The following LPAR3 variants were observed in gnomAD, a reference collection of about 807,000 sequenced individuals.
The protein encoded by LPAR3 is LPA receptor 3.
Under a neutral mutation model 17.8 loss-of-function variants are expected in LPAR3, and 7 were observed. That is an observed-to-expected ratio of 0.39 (90% confidence interval 0.22 to 0.74). LPAR3 has a LOEUF of 0.74. LPAR3 is among the 30% of genes least tolerant of loss of function. The pLI, the probability that LPAR3 is intolerant of heterozygous loss-of-function variation, is 0.40. For synonymous variants in LPAR3, 179 were observed against 179.9 expected (o/e 0.99, Z 0.04); for missense variants, 391 against 453.4 (o/e 0.86, Z 1.25).
rs567097754 is a variant in LPAR3, at chr1:84,856,960, G to A, written c.736+8425C>T. On this transcript the variant is annotated intron_variant, in intron 2 of 2. Transcript: ENST00000370611. ...CGTAGGGGAGAGGGTGGTTTATAGGGACTAGCAATGTAAGCACAGAGCTTT... is the reference window on the plus strand; with the variant it reads ...CGTAGGGGAGAGGGTGGTTTATAGGAACTAGCAATGTAAGCACAGAGCTTT... Among the ~76,000 whole-genome samples the A allele has an allele frequency of 3.3e-5, 5 of 152,320 alleles. No individual in the cohort carries two copies. The South Asian group carries it at 1.0e-3, about 32-fold the overall frequency.
At chr1:84,879,321 T>C (rs201541089) in intron 1 of LPAR3, among the ~76,000 whole-genome samples, 1 of 121,408 alleles carries the variant, frequency 8.2e-6, no homozygotes. Flanking sequence ...TTTTTCTTTT[T>C]TTTTTTTTGA....
intron 2 of LPAR3, among the ~76,000 whole-genome samples, chr1:84,828,282 G>A (rs1659204393): frequency 6.6e-6 from 1 of 152,108 alleles, no homozygotes; most frequent in East Asian, 1.9e-4. Context: ...TTTGCTGCCA[G>A]GAGGGGAAAA....
At chr1:84,821,251 T>C (rs575169006) in intron 2 of LPAR3, among the ~76,000 whole-genome samples, 1 of 151,990 alleles carries the variant, frequency 6.6e-6, no homozygotes, top group South Asian at 2.1e-4. Context: ...AGAGGGGGTG[T>C]TAACTAAAGC....
chr1:84,860,799 C>T (rs932923952), intron 2 of LPAR3, among the ~76,000 whole-genome samples: 6 of 142,298 alleles, frequency 4.2e-5, no homozygotes, highest in Non-Finnish European at 7.5e-5. Flanking sequence ...AGTGCGGGGG[C>T]GCCATCTTGG....
Position 84,856,748 on chromosome 1 carries a change from T to C in LPAR3, c.736+8637A>G, listed in dbSNP as rs143095659. Among the ~76,000 whole-genome samples the C allele has an allele frequency of 9.8e-5, 15 of 152,322 alleles. 1 individual carries two copies. Among genetic ancestry groups the C allele is most frequent in the African/African-American group, 3.4e-4 (14 of 41,572 alleles). ...TGTTAGCAAGAGGGGGACAGTTTCTTATGAGGACCATCCTATAATAGAGCT... is the reference window on the plus strand; with the variant it reads ...TGTTAGCAAGAGGGGGACAGTTTCTCATGAGGACCATCCTATAATAGAGCT... On this transcript the variant is annotated intron_variant, in intron 2 of 2. Coordinates refer to ENST00000370611, the MANE Select transcript of LPAR3 (RefSeq NM_012152.3).
intron 1 of LPAR3, among the ~76,000 whole-genome samples, chr1:84,877,047 C>T (rs543374537): frequency 6.6e-6 from 1 of 152,362 alleles, no homozygotes; most frequent in East Asian, 1.9e-4. Context: ...AGTTCCAACT[C>T]TAACTGTATT....
chr1:84,812,248 TG>T lies in LPAR3; in HGVS notation c.*1597del, dbSNP rs1446601967. ...ATGTATAAAAACATCTGTTCTCAAA[TG>T]AACACCTCTTTCTCTTTTCTTGTAC... On this transcript the variant is annotated 3_prime_UTR_variant, in exon 3 of 3. Transcript: ENST00000370611. 2 of 152,174 alleles carry T rather than the reference TG, an allele frequency of 1.3e-5. No homozygotes were observed. Among genetic ancestry groups the T allele is most frequent in the Non-Finnish European group, 2.9e-5 (2 of 68,038 alleles). 9.4% of individuals were successfully genotyped at this position (152,174 alleles called of 1,614,324 possible).
rs558510669 is a variant in LPAR3, at chr1:84,879,737, C to T, written c.-19+13279G>A. The stretch of plus-strand genomic sequence containing the variant: ...GGGTGGCTGCGTGACTAAGTTCTTA[C>T]CACTAGAATGTAAGCATAAATGAAG... On this transcript the variant is annotated intron_variant, in intron 1 of 2. Coordinates refer to ENST00000370611, the MANE Select transcript of LPAR3 (RefSeq NM_012152.3). Among the ~76,000 whole-genome samples, 52 of 152,262 alleles carry T rather than the reference C, an allele frequency of 3.4e-4. 1 individual carries two copies. The highest frequency in any genetic ancestry group is 3.3e-3 in the Admixed American group (51 of 15,296).
At chr1:84,857,964 C>T (rs977192712) in intron 2 of LPAR3, among the ~76,000 whole-genome samples, 4 of 152,110 alleles carry the variant, frequency 2.6e-5, no homozygotes, top group African/African-American at 4.8e-5. Context: ...TTTATCAATA[C>T]GGGTGTGTGG....
chr1:84,883,259 C>A (rs144340721), intron 1 of LPAR3, among the ~76,000 whole-genome samples: 1 of 152,214 alleles, frequency 6.6e-6, no homozygotes, highest in Non-Finnish European at 1.5e-5. Context: ...GGGACCCCAA[C>A]AGAGAATATT....
chr1:84,875,243 GAT>G lies in LPAR3; in HGVS notation c.-18-9107_-18-9106del, dbSNP rs199703139. ...AGTGTGAACATTCACAGCTGAAAGA[GAT>G]ATTCTTCTTATACAAAGTACCTTGT... is the stretch of plus-strand genomic sequence containing the variant. On this transcript the variant is annotated intron_variant, in intron 1 of 2. Coordinates refer to ENST00000370611, the MANE Select transcript of LPAR3 (RefSeq NM_012152.3). 3.5e-3 allele frequency among the ~76,000 whole-genome samples: 535 copies of G among 152,308 alleles called. 5 individuals carry two copies. Among genetic ancestry groups the G allele is most frequent in the African/African-American group, 0.012 (509 of 41,566 alleles).
chr1:84,836,496 GA>G (rs1294574247), intron 2 of LPAR3, among the ~76,000 whole-genome samples: 1 of 152,066 alleles, frequency 6.6e-6, no homozygotes, highest in Non-Finnish European at 1.5e-5. Context: ...GTTAGAAAAT[GA>G]AATTTAAAGT....
intron 2 of LPAR3, among the ~76,000 whole-genome samples, chr1:84,857,658 C>T (rs913922749): frequency 1.3e-5 from 2 of 152,124 alleles, no homozygotes; most frequent in Non-Finnish European, 2.9e-5. Context: ...TTTATAGAAA[C>T]CAAGGGAGAT....
chr1:84,822,292 A>G (rs1659073459), intron 2 of LPAR3, among the ~76,000 whole-genome samples: 1 of 152,206 alleles, frequency 6.6e-6, no homozygotes, highest in South Asian at 2.1e-4. Flanking sequence ...GCTTTCCTCT[A>G]GTAATTAAAT....
At chr1:84,834,412 C>T (rs752679976) in intron 2 of LPAR3, among the ~76,000 whole-genome samples, 3 of 152,132 alleles carry the variant, frequency 2.0e-5, no homozygotes, top group South Asian at 2.1e-4. Flanking sequence ...AGGTTGGAGA[C>T]GATAGCAAAT....
chr1:84,813,159 A>ATATATG lies in LPAR3; in HGVS notation c.*686_*687insCATATA, dbSNP rs59691846. On this transcript the variant is annotated 3_prime_UTR_variant, in exon 3 of 3. Transcript: ENST00000370611. Reference sequence around the variant, plus strand: ...TATATATATATATATATATATATATAGACACACACACACACACACACACAC... The same window carrying ATATATG: ...TATATATATATATATATATATATATATATATGGACACACACACACACACACACACAC... The ATATATG allele has an allele frequency of 3.1e-4, 30 of 97,560 alleles. No homozygotes were observed. Among genetic ancestry groups the ATATATG allele is most frequent in the African/African-American group, 1.1e-3 (28 of 26,128 alleles). The allele number at this position is 97,560 out of a possible 1,614,324, so 6.0% of individuals were successfully genotyped here. A position where few individuals can be genotyped will look rare whatever the true frequency, so the allele number is the denominator to read the frequency against.
Position 84,893,151 on chromosome 1 carries a change from G to C in LPAR3, c.-154C>G, listed in dbSNP as rs7517223. On this transcript the variant is annotated 5_prime_UTR_variant, in exon 1 of 3. Transcript: ENST00000370611. ...GCGGAGAAGCAGCGGAGGACGCGGC[G>C]GGCGGGCGGAGCGCCTCCTCTCCAG... The C allele has an allele frequency of 6.6e-6, 1 of 151,908 alleles. No homozygotes were observed. The highest frequency in any genetic ancestry group is 2.4e-5 in the African/African-American group (1 of 41,388). The allele number at this position is 151,908 out of a possible 1,614,324, so 9.4% of individuals were successfully genotyped here.
chr1:84,890,626 G>A (rs1285388024), intron 1 of LPAR3, among the ~76,000 whole-genome samples: 1 of 152,170 alleles, frequency 6.6e-6, no homozygotes, highest in East Asian at 1.9e-4. Context: ...CCTTGGGCCT[G>A]GTCTCTGCCA....
chr1:84,874,063 AAATCT>A (rs1660208581), intron 1 of LPAR3, among the ~76,000 whole-genome samples: 1 of 152,112 alleles, frequency 6.6e-6, no homozygotes, highest in East Asian at 1.9e-4. Flanking sequence ...TCTTTAGAAC[AAATCT>A]TAAACTCAGA....
Sources: allele counts gnomAD v4.1 joint callset (sites outside exome capture counted in the v4.1 genomes callset), GRCh38; gene constraint gnomAD v4.1.1; transcripts MANE v1.5; gene names NCBI Gene and HGNC (gene_info 2026-07-23, HGNC 2026-07-21).